The following LRFN2 variants were observed in gnomAD, a reference collection of about 807,000 sequenced individuals.
The protein encoded by LRFN2 is leucine rich repeat and fibronectin type III domain containing 2.
In LRFN2, 18 loss-of-function variants were observed where a neutral mutation model predicts 37.3. That is an observed-to-expected ratio of 0.48 (90% CI 0.33 to 0.72). The LOEUF is 0.72. LRFN2 is among the 30% of genes least tolerant of loss of function. The probability of loss-of-function intolerance (pLI) is 0.02; values close to 1 mark genes in which losing one functional copy is unlikely to be tolerated. For missense variants in LRFN2, 1,006 were observed against 1,060.7 expected (o/e 0.95, Z 0.72); for synonymous variants, 556 against 466.6 (o/e 1.19, Z -2.47).
intron 1 of LRFN2, among the ~76,000 whole-genome samples, chr6:40,435,816 T>A (rs570584643): frequency 1.5e-3 from 221 of 152,224 alleles, no homozygotes; most frequent in African/African-American, 2.1e-3. Flanking sequence ...TTATTTTTTT[T>A]AAAAAAGATA....
chr6:40,420,707 G>T (rs1224667354), intron 2 of LRFN2, among the ~76,000 whole-genome samples: 1 of 152,220 alleles, frequency 6.6e-6, no homozygotes, highest in Non-Finnish European at 1.5e-5. Context: ...CCTCCAATGT[G>T]CACTGGAGGA....
At chr6:40,502,607 C>A (rs891475201) in intron 1 of LRFN2, among the ~76,000 whole-genome samples, 7 of 152,232 alleles carry the variant, frequency 4.6e-5, no homozygotes, top group Non-Finnish European at 1.0e-4. Context: ...GGGACATTCA[C>A]TCAACAATTG....
intron 1 of LRFN2, among the ~76,000 whole-genome samples, chr6:40,437,927 G>C (rs938552847): frequency 1.3e-5 from 2 of 152,204 alleles, no homozygotes; most frequent in African/African-American, 4.8e-5. Context: ...TGGCAATTAG[G>C]GAAAAGGGCT....
At chr6:40,540,800 G>A (rs1430864768) in intron 1 of LRFN2, among the ~76,000 whole-genome samples, 2 of 152,170 alleles carry the variant, frequency 1.3e-5, no homozygotes, top group South Asian at 2.1e-4. Context: ...GATGCCCAAG[G>A]AGCACAGCAG....
intron 1 of LRFN2, among the ~76,000 whole-genome samples, chr6:40,517,884 C>A (rs113198456): frequency 1.3e-5 from 2 of 152,162 alleles, no homozygotes; most frequent in Non-Finnish European, 2.9e-5. Flanking sequence ...GACTGAATCA[C>A]TCAATCAAAG....
At chr6:40,565,127 C>T (rs1407013293) in intron 1 of LRFN2, among the ~76,000 whole-genome samples, 3 of 152,144 alleles carry the variant, frequency 2.0e-5, no homozygotes, top group East Asian at 1.9e-4. Flanking sequence ...TAGCAGAGGA[C>T]GTAGATCCCA....
chr6:40,468,491 G>A (rs1376757737), intron 1 of LRFN2, among the ~76,000 whole-genome samples: 3 of 152,150 alleles, frequency 2.0e-5, no homozygotes, highest in Admixed American at 6.5e-5. Context: ...CTCAGATGTA[G>A]GTCACAGCCA....
At chr6:40,520,370 T>G (rs1561892539) in intron 1 of LRFN2, among the ~76,000 whole-genome samples, 1 of 151,944 alleles carries the variant, frequency 6.6e-6, no homozygotes, top group Non-Finnish European at 1.5e-5. Flanking sequence ...CACTCTGGGC[T>G]CCAGCCTGGG....
intron 1 of LRFN2, among the ~76,000 whole-genome samples, chr6:40,522,085 C>G (rs577676397): frequency 1.3e-5 from 2 of 152,132 alleles, no homozygotes; most frequent in Non-Finnish European, 2.9e-5. Flanking sequence ...CAGAGCCAGA[C>G]GTTGTATGTG....
At chr6:40,443,375 C>A (rs1192837640) in intron 1 of LRFN2, among the ~76,000 whole-genome samples, 2 of 152,214 alleles carry the variant, frequency 1.3e-5, no homozygotes, top group Non-Finnish European at 2.9e-5. Context: ...CAATAGGCTG[C>A]CCTAACTCAC....
chr6:40,427,423 C>T (rs1581696681), intron 2 of LRFN2, among the ~76,000 whole-genome samples: 1 of 152,206 alleles, frequency 6.6e-6, no homozygotes, highest in Non-Finnish European at 1.5e-5. Context: ...GCAGAAACTC[C>T]TAGGACTTTT....
chr6:40,568,663 G>A (rs1767132932), intron 1 of LRFN2, among the ~76,000 whole-genome samples: 1 of 150,086 alleles, frequency 6.7e-6, no homozygotes, highest in Admixed American at 6.6e-5. Flanking sequence ...AGTGTCACTG[G>A]GTTACTAAAC....
At chr6:40,535,055 A>C (rs577501126) in intron 1 of LRFN2, among the ~76,000 whole-genome samples, 2 of 152,196 alleles carry the variant, frequency 1.3e-5, no homozygotes, top group South Asian at 4.2e-4. Flanking sequence ...ACTCTAGTTT[A>C]CCTTCCTTGG....
chr6:40,404,132 C>T (rs1762797478), intron 2 of LRFN2, among the ~76,000 whole-genome samples: 1 of 152,184 alleles, frequency 6.6e-6, no homozygotes, highest in African/African-American at 2.4e-5. Flanking sequence ...GCGGGCTTCC[C>T]CAGGCTTGTT....
At chr6:40,481,870 T>C (rs564420727) in intron 1 of LRFN2, among the ~76,000 whole-genome samples, 3 of 152,308 alleles carry the variant, frequency 2.0e-5, no homozygotes, top group South Asian at 2.1e-4. Context: ...AGTTGAAGAT[T>C]GCTGAAATGC....
intron 1 of LRFN2, among the ~76,000 whole-genome samples, chr6:40,437,916 A>G (rs528500405): frequency 2.6e-5 from 4 of 152,204 alleles, no homozygotes; most frequent in Non-Finnish European, 4.4e-5. Flanking sequence ...TCATAGCCAC[A>G]TGGCAATTAG....
intron 1 of LRFN2, among the ~76,000 whole-genome samples, chr6:40,440,851 T>C (rs1278248867): frequency 1.3e-5 from 2 of 152,170 alleles, no homozygotes; most frequent in Non-Finnish European, 2.9e-5. Context: ...ATTTCCCCAC[T>C]TCTCTTCCCT....
chr6:40,476,791 G>A (rs577191812), intron 1 of LRFN2, among the ~76,000 whole-genome samples: 27 of 152,350 alleles, frequency 1.8e-4, no homozygotes, highest in South Asian at 6.2e-4. Context: ...GAGAGCAGGC[G>A]TGACCCACAG....
At chr6:40,423,310 T>C (rs1277398010) in intron 2 of LRFN2, among the ~76,000 whole-genome samples, 1 of 152,114 alleles carries the variant, frequency 6.6e-6, no homozygotes, top group Non-Finnish European at 1.5e-5. Flanking sequence ...TTTTGAAAAA[T>C]GGAGACAGAA....
Sources: gnomAD v4.1 joint callset for allele counts (sites outside exome capture counted in the v4.1 genomes callset) on GRCh38, gnomAD v4.1.1 for gene constraint, MANE v1.5 for transcripts, NCBI Gene and HGNC (gene_info 2026-07-23, HGNC 2026-07-21) for gene names.